Variants in TRIM59 observed in about 807,000 individuals in gnomAD.
TRIM59 encodes the protein tripartite motif containing 59.
Under a neutral mutation model 32.2 loss-of-function variants are expected in TRIM59, and 14 were observed. That is an observed-to-expected ratio of 0.43 (90% CI 0.29 to 0.68). The LOEUF is 0.68. Among genes scored for constraint, TRIM59 ranks in the 30% least tolerant of loss-of-function variants. TRIM59 has a pLI of 0.15. For synonymous variants in TRIM59, 163 were observed against 155.1 expected (o/e 1.05, Z -0.38); for missense variants, 471 against 463.3 (o/e 1.02, Z -0.15).
Position 160,438,872 on chromosome 3 carries a change from T to C in TRIM59, c.312A>G (p.Pro104=). 2 of 1,614,022 alleles carry C rather than the reference T, an allele frequency of 1.2e-6. No homozygotes were observed. The highest frequency in any genetic ancestry group is 1.1e-5 in the South Asian group (1 of 91,078). ...TATCTAATAGACAGTAAACATTTAATGGTTGCCTGTAATGTTCAGGGCAGG... is the reference window on the plus strand; with the variant it reads ...TATCTAATAGACAGTAAACATTTAACGGTTGCCTGTAATGTTCAGGGCAGG... The part of the protein sequence containing the change: ...IVTCPEHYRQ[P]LNVYCLLDKK... The change falls in exon 3 of 3, where the codon CCA becomes CCG. Residue 104 remains proline (P), a synonymous_variant. Coordinates refer to ENST00000309784, the MANE Select transcript of TRIM59 (RefSeq NM_173084.3).
At position 160,437,268 on chromosome 3, in the gene TRIM59, C is replaced by T. The variant is rs796471427; in HGVS notation, c.*704G>A. Reference sequence around the variant, plus strand: ...GCTCCAGAGGCAGAGGCGGGAGGATCGATTGAGCCTGGGTGGTCGAAACTG... The same window carrying T: ...GCTCCAGAGGCAGAGGCGGGAGGATTGATTGAGCCTGGGTGGTCGAAACTG... On this transcript the variant is annotated 3_prime_UTR_variant, in exon 3 of 3. Coordinates refer to ENST00000309784, the MANE Select transcript of TRIM59 (RefSeq NM_173084.3). 29 of 658,744 alleles carry T rather than the reference C, an allele frequency of 4.4e-5. No individual in the cohort carries two copies. Among genetic ancestry groups the T allele is most frequent in the Middle Eastern group, 7.6e-4 (1 of 1,324 alleles). 40.8% of individuals were successfully genotyped at this position (658,744 alleles called of 1,614,324 possible). A position where few individuals can be genotyped will look rare whatever the true frequency, so the allele number is the denominator to read the frequency against.
intron 2 of TRIM59, among the ~76,000 whole-genome samples, chr3:160,443,438 AT>A (rs555292905): frequency 2.7e-4 from 41 of 152,334 alleles, no homozygotes; most frequent in South Asian, 8.3e-4. Context: ...TAGAAAAAAA[AT>A]AATCCATTTT....
Position 160,437,877 on chromosome 3 carries a change from C to T in TRIM59, c.*95G>A. 3 of 1,388,172 alleles carry T rather than the reference C, an allele frequency of 2.2e-6. No homozygotes were observed. 86.0% of individuals were successfully genotyped at this position (1,388,172 alleles called of 1,614,324 possible). On this transcript the variant is annotated 3_prime_UTR_variant, in exon 3 of 3. Transcript: ENST00000309784. ...ACATTTGTTTATATTAGTTGCAGCA[C>T]TAATAAAGCTTAGTTTGCTCTTTAT...
chr3:160,447,249 G>C (rs138121884), intron 2 of TRIM59, among the ~76,000 whole-genome samples: 3 of 151,986 alleles, frequency 2.0e-5, no homozygotes, highest in African/African-American at 7.2e-5. Flanking sequence ...TTTTTAAAAA[G>C]CAAAAAAGTA....
chr3:160,435,789 T>C lies in TRIM59; in HGVS notation c.*2183A>G. The C allele has an allele frequency of 2.2e-6, 1 of 458,894 alleles. No homozygotes were observed. The highest frequency in any genetic ancestry group is 4.2e-6 in the Non-Finnish European group (1 of 240,736). 28.4% of individuals were successfully genotyped at this position (458,894 alleles called of 1,614,324 possible). A position where few individuals can be genotyped will look rare whatever the true frequency, so the allele number is the denominator to read the frequency against. ...TACAAACCCTTACCAACATTAATCT[T>C]GGCCTACTTTAAAGTTGAGTGATAG... is the stretch of plus-strand genomic sequence containing the variant. On this transcript the variant is annotated 3_prime_UTR_variant, in exon 3 of 3. Transcript: ENST00000309784.
At chr3:160,439,248 T>C (rs1436083168) in intron 2 of TRIM59, 62 bp from the exon 3 acceptor site, 1 of 1,348,948 alleles carries the variant, frequency 7.4e-7, no homozygotes. Flanking sequence ...TATTTAACAT[T>C]CTAGGCATTA....
intron 2 of TRIM59, among the ~76,000 whole-genome samples, chr3:160,446,847 T>C (rs926490229): frequency 1.3e-5 from 2 of 152,184 alleles, no homozygotes; most frequent in Non-Finnish European, 2.9e-5. Context: ...TGGCTCACTG[T>C]GAGAATCTAA....
rs1577010501 is a variant in TRIM59 at position 160,436,952 on chromosome 3, T to C, written c.*1020A>G. ...GCAGACCAAGTTACCAACATGATTCTGTTCTAATAAGAATGAGTTTTTAAT... is the reference window on the plus strand; with the variant it reads ...GCAGACCAAGTTACCAACATGATTCCGTTCTAATAAGAATGAGTTTTTAAT... On this transcript the variant is annotated 3_prime_UTR_variant, in exon 3 of 3. Coordinates refer to ENST00000309784, the MANE Select transcript of TRIM59 (RefSeq NM_173084.3). 1.2e-5 allele frequency: 12 copies of C among 985,360 alleles called. No homozygotes were observed. The highest frequency in any genetic ancestry group is 1.7e-5 in the African/African-American group (1 of 57,334). 61.0% of individuals were successfully genotyped at this position (985,360 alleles called of 1,614,324 possible). A position where few individuals can be genotyped will look rare whatever the true frequency, so the allele number is the denominator to read the frequency against.
intron 2 of TRIM59, among the ~76,000 whole-genome samples, chr3:160,447,503 G>C (rs1297440404): frequency 6.6e-6 from 1 of 152,162 alleles, no homozygotes; most frequent in African/African-American, 2.4e-5. Flanking sequence ...TCTTTCTCCA[G>C]AGGGCCAATT....
intron 2 of TRIM59, among the ~76,000 whole-genome samples, chr3:160,443,978 T>C (rs1719390909): frequency 6.6e-6 from 1 of 151,998 alleles, no homozygotes; most frequent in Admixed American, 6.6e-5. Flanking sequence ...TTCATGTATA[T>C]GAAACATATT....
At chr3:160,445,990 G>C (rs1326680083) in intron 2 of TRIM59, among the ~76,000 whole-genome samples, 2 of 151,938 alleles carry the variant, frequency 1.3e-5, no homozygotes, top group Non-Finnish European at 2.9e-5. Flanking sequence ...TTTATGCTTT[G>C]TAGAGATAGG....
At position 160,438,853 on chromosome 3, in the gene TRIM59, A is replaced by G. The variant is rs749036988; in HGVS notation, c.331T>C (p.Leu111=). ...TGACCACAAACTAATTTTTTATCTA[A>G]TAGACAGTAAACATTTAATGGTTGC... ...YRQPLNVYCL[L]DKKLVCGHCL... The change falls in exon 3 of 3, where the codon TTA becomes CTA. Residue 111 remains leucine (L), a synonymous_variant. Coordinates refer to ENST00000309784, the MANE Select transcript of TRIM59 (RefSeq NM_173084.3). 9 of 1,614,068 alleles carry G rather than the reference A, an allele frequency of 5.6e-6. No homozygotes were observed. Among genetic ancestry groups the G allele is most frequent in the Non-Finnish European group, 5.9e-6 (7 of 1,179,974 alleles).
rs1719087113 is a variant in TRIM59, at chr3:160,438,458, T to C, written c.726A>G (p.Leu242=). 6.2e-7 allele frequency: 1 copy of C among 1,614,010 alleles called. No individual in the cohort carries two copies. The highest frequency in any genetic ancestry group is 8.5e-7 in the Non-Finnish European group (1 of 1,179,992). ...GAAATTTAAGTGGAGACTCTTCTTGTAAAGATATTGTCAGTGCCATTAATT... is the reference window on the plus strand; with the variant it reads ...GAAATTTAAGTGGAGACTCTTCTTGCAAAGATATTGTCAGTGCCATTAATT... The part of the protein sequence containing the change: ...QLELMALTIS[L]QEESPLKFLE... Residue 242 remains leucine (L), a synonymous_variant, in exon 3 of 3, where the codon TTA becomes TTG. Transcript: ENST00000309784.
At chr3:160,448,872 T>A in intron 1 of TRIM59, 77 bp from the exon 2 acceptor site, 3 of 758,318 alleles carry the variant, frequency 4.0e-6, no homozygotes. Context: ...TAGTTCACTG[T>A]CTTTGATATT....
At chr3:160,449,352 C>T in intron 1 of TRIM59, 1 of 475,296 alleles carries the variant, frequency 2.1e-6, no homozygotes, top group Non-Finnish European at 3.2e-6. Flanking sequence ...CAGTACTCTT[C>T]CCTTCCCCTT....
At position 160,435,918 on chromosome 3, in the gene TRIM59, C is replaced by T; in HGVS notation, c.*2054G>A. ...CTACAAAAAGGGGGTTAAAAATATTCACATCACAGAAATGAGATTAAGTAG... is the reference window on the plus strand; with the variant it reads ...CTACAAAAAGGGGGTTAAAAATATTTACATCACAGAAATGAGATTAAGTAG... On this transcript the variant is annotated 3_prime_UTR_variant, in exon 3 of 3. Transcript: ENST00000309784. The T allele has an allele frequency of 7.8e-7, 1 of 1,279,918 alleles. No homozygotes were observed. The highest frequency in any genetic ancestry group is 1.0e-6 in the Non-Finnish European group (1 of 980,836). 79.3% of individuals were successfully genotyped at this position (1,279,918 alleles called of 1,614,324 possible).
In TRIM59 at chr3:160,438,848, A is replaced by C; in HGVS notation, c.336T>G (p.Asp112Glu). Residue 112 changes from aspartate to glutamate, a missense_variant, in exon 3 of 3, where the codon GAT becomes GAG. Asp to Glu is a conservative substitution (Grantham distance 45, BLOSUM62 2). Coordinates refer to ENST00000309784, the MANE Select transcript of TRIM59 (RefSeq NM_173084.3). ...GGCAATGACCACAAACTAATTTTTT[A>C]TCTAATAGACAGTAAACATTTAATG... ...RQPLNVYCLL[D>E]KKLVCGHCLT... 6.2e-7 allele frequency: 1 copy of C among 1,614,038 alleles called. No individual in the cohort carries two copies. The highest frequency in any genetic ancestry group is 8.5e-7 in the Non-Finnish European group (1 of 1,179,966).
chr3:160,436,098 A>G lies in TRIM59; in HGVS notation c.*1874T>C. On this transcript the variant is annotated 3_prime_UTR_variant, in exon 3 of 3. Transcript: ENST00000309784. ...CTCCTTACCTCTACTATGCCCTTTA[A>G]ATGTTCTTTGCCCACACAATAGTTA... The G allele has an allele frequency of 9.1e-7, 1 of 1,101,408 alleles. No homozygotes were observed. The highest frequency in any genetic ancestry group is 1.1e-6 in the Non-Finnish European group (1 of 895,346). 68.2% of individuals were successfully genotyped at this position (1,101,408 alleles called of 1,614,324 possible).
At chr3:160,442,766 G>T (rs574957813) in intron 2 of TRIM59, among the ~76,000 whole-genome samples, 1 of 152,154 alleles carries the variant, frequency 6.6e-6, no homozygotes, top group South Asian at 2.1e-4. Flanking sequence ...AACTAGAACT[G>T]AAAAATAACT....
Sources: gnomAD v4.1 joint callset for allele counts (sites outside exome capture counted in the v4.1 genomes callset) on GRCh38, gnomAD v4.1.1 for gene constraint, MANE v1.5 for transcripts, NCBI Gene and HGNC (gene_info 2026-07-23, HGNC 2026-07-21) for gene names.